The following ATXN2 variants were observed in gnomAD, a reference collection of about 807,000 sequenced individuals.
ATXN2 encodes the protein ataxin 2.
Under a neutral mutation model 138.6 loss-of-function variants are expected in ATXN2, and 37 were observed. That is an observed-to-expected ratio of 0.27 (90% confidence interval 0.21 to 0.35). The LOEUF is 0.35. Among genes scored for constraint, ATXN2 ranks in the 10% least tolerant of loss-of-function variants. The pLI, the probability that ATXN2 is intolerant of heterozygous loss-of-function variation, is 1.00. For missense variants in ATXN2, 1,216 were observed against 1,480.3 expected, an observed-to-expected ratio of 0.82 and a Z score of 2.93; for synonymous variants, 549 against 543.7, an observed-to-expected ratio of 1.01 and a Z score of -0.13.
intron 20 of ATXN2, chr12:111,469,167 C>G (rs181220881): frequency 9.9e-5 from 15 of 151,956 alleles, no homozygotes; most frequent in Non-Finnish European, 2.1e-4. Flanking sequence ...CATAGCAGTA[C>G]ACTTTTCAAC....
chr12:111,589,239 T>A (rs773309296), intron 1 of ATXN2, among the ~76,000 whole-genome samples: 4 of 150,626 alleles, frequency 2.7e-5, no homozygotes, highest in Admixed American at 6.7e-5. Context: ...CACTTGAACC[T>A]AGGAGGCGGA....
At chr12:111,473,187 T>C (rs1876537990) in intron 18 of ATXN2, among the ~76,000 whole-genome samples, 2 of 151,700 alleles carry the variant, frequency 1.3e-5, no homozygotes, top group South Asian at 2.1e-4. Context: ...GGTGGGGGGA[T>C]TGCCTTAGCT....
intron 5 of ATXN2, among the ~76,000 whole-genome samples, chr12:111,537,032 C>T (rs1480678609): frequency 6.6e-6 from 1 of 151,872 alleles, no homozygotes; most frequent in Non-Finnish European, 1.5e-5. Flanking sequence ...ATCTGCCAGC[C>T]CCAGCCTCCC....
At chr12:111,466,812 A>G (rs1335263038) in intron 20 of ATXN2, among the ~76,000 whole-genome samples, 2 of 152,118 alleles carry the variant, frequency 1.3e-5, no homozygotes, top group African/African-American at 4.8e-5. Flanking sequence ...GTTTGCATTA[A>G]ATGTTTTAAA....
rs996901981 is a variant in ATXN2 at position 111,554,155 on chromosome 12, T to C, written c.348+3A>G. 6.1e-6 allele frequency: 9 copies of C among 1,486,662 alleles called. No homozygotes were observed. Among genetic ancestry groups the C allele is most frequent in the African/African-American group, 1.4e-5 (1 of 70,116 alleles). The allele number at this position is 1,486,662 out of a possible 1,614,324, so 92.1% of individuals were successfully genotyped here. ...GTTTATCCCCAATAATCTAATAACT[T>C]ACAACAACTGATGTAAGTATATGAA... On this transcript the variant is annotated splice_donor_region_variant and intron_variant, in intron 3 of 24. Transcript: ENST00000673436.
At chr12:111,507,636 G>A (rs1467458785) in intron 14 of ATXN2, among the ~76,000 whole-genome samples, 2 of 152,178 alleles carry the variant, frequency 1.3e-5, no homozygotes, top group Non-Finnish European at 2.9e-5. Context: ...CCCTCTGCCC[G>A]GCCACCACCC....
At chr12:111,588,621 C>G (rs950934259) in intron 1 of ATXN2, among the ~76,000 whole-genome samples, 2 of 146,984 alleles carry the variant, frequency 1.4e-5, no homozygotes, top group African/African-American at 5.0e-5. Context: ...GACTCCGTCT[C>G]GGAAAAAAAA....
chr12:111,466,034 C>T (rs7961399), intron 20 of ATXN2, among the ~76,000 whole-genome samples: 15,485 of 151,320 alleles, frequency 0.1, 2,654 homozygotes, highest in African/African-American at 0.35. Context: ...GGTGTGGTGG[C>T]GGGCACCTGT....
intron 5 of ATXN2, among the ~76,000 whole-genome samples, chr12:111,547,547 G>T (rs1881866059): frequency 6.6e-6 from 1 of 151,438 alleles, no homozygotes; most frequent in Non-Finnish European, 1.5e-5. Flanking sequence ...CCAACGTGGA[G>T]AAACCCAGTC....
intron 1 of ATXN2, among the ~76,000 whole-genome samples, chr12:111,593,618 AAAAAAG>A (rs977682655): frequency 2.0e-5 from 3 of 151,804 alleles, no homozygotes; most frequent in Non-Finnish European, 2.9e-5. Context: ...CTTAAAAAAA[AAAAAAG>A]AAAAAGAAAA....
rs763538565 is a variant in ATXN2 at position 111,452,829 on chromosome 12, G to A, written c.3451C>T (p.His1151Tyr). Residue 1151 changes from histidine (H) to tyrosine (Y), a missense_variant, in exon 25 of 25, where the codon CAC (histidine) becomes TAC (tyrosine). Around this residue, in one of 4 missense-constraint regions of ATXN2, gnomAD observed 490 missense variants for 653.5 expected, o/e 0.75. Transcript: ENST00000673436. ...GGGCAGCCTTACAACTGCTGTTGGT[G>A]GTGGGCTTGTACTGTAAAAAGAAAA... ...YMTHPSVQAH[H>Y]QQQL 6.2e-7 allele frequency: 1 copy of A among 1,613,748 alleles called. No homozygotes were observed. The highest frequency in any genetic ancestry group is 1.1e-5 in the South Asian group (1 of 90,980).
intron 20 of ATXN2, among the ~76,000 whole-genome samples, chr12:111,466,883 C>T (rs1876062619): frequency 6.6e-6 from 1 of 151,886 alleles, no homozygotes; most frequent in East Asian, 1.9e-4. Flanking sequence ...TATTTGGTTC[C>T]TTTGAGAAAA....
chr12:111,589,012 AAAAAAAAAAAAACTAAACCAAAC>A (rs1170763664), intron 1 of ATXN2, among the ~76,000 whole-genome samples: 1 of 136,288 alleles, frequency 7.3e-6, no homozygotes, highest in Non-Finnish European at 1.5e-5. Context: ...AAAAAAAAAA[AAAAAAAAAAAAACTAAACCAAAC>A]TGGTCACGGT....
At chr12:111,587,868 A>G (rs1337607033) in intron 1 of ATXN2, among the ~76,000 whole-genome samples, 1 of 152,084 alleles carries the variant, frequency 6.6e-6, no homozygotes, top group Non-Finnish European at 1.5e-5. Context: ...ACATTCCCAA[A>G]ATGTAGTTAG....
intron 20 of ATXN2, 133 bp from the exon 21 acceptor site, chr12:111,464,848 C>A (rs1156802259): frequency 1.5e-6 from 1 of 666,422 alleles, no homozygotes; most frequent in Non-Finnish European, 2.7e-6. Context: ...ATGACAAGCA[C>A]TTTAAACACT....
intron 1 of ATXN2, among the ~76,000 whole-genome samples, chr12:111,563,963 C>G (rs1205864630): frequency 1.3e-5 from 2 of 152,202 alleles, no homozygotes; most frequent in Non-Finnish European, 2.9e-5. Context: ...TCAGGACCAT[C>G]ACCTGACCAT....
At chr12:111,558,771 T>C (rs931568712) in intron 1 of ATXN2, among the ~76,000 whole-genome samples, 19 of 152,222 alleles carry the variant, frequency 1.2e-4, no homozygotes, top group Non-Finnish European at 1.9e-4. Context: ...CACTCCAGCA[T>C]TGGTGACAGA....
chr12:111,515,966 G>A (rs1235103734), intron 10 of ATXN2, among the ~76,000 whole-genome samples, 188 bp downstream of exon 10: 1 of 152,176 alleles, frequency 6.6e-6, no homozygotes, highest in Non-Finnish European at 1.5e-5. Context: ...AGAGTTTATA[G>A]CTTCACACAT....
At chr12:111,594,958 C>T (rs1884861362) in intron 1 of ATXN2, among the ~76,000 whole-genome samples, 1 of 152,118 alleles carries the variant, frequency 6.6e-6, no homozygotes, top group Non-Finnish European at 1.5e-5. Context: ...CATATATTAC[C>T]TTATTAAATC....
Sources: gnomAD v4.1 joint callset for allele counts (sites outside exome capture counted in the v4.1 genomes callset) on GRCh38, gnomAD v4.1.1 for gene constraint, gnomAD v4.1.1 regional missense constraint, MANE v1.5 for transcripts, NCBI Gene and HGNC (gene_info 2026-07-23, HGNC 2026-07-21) for gene names.